Variants in EXOC2 observed in about 807,000 individuals in gnomAD.
EXOC2 encodes SEC5-like 1.
Under a neutral mutation model 131.8 loss-of-function variants are expected in EXOC2, and 70 were observed. The ratio of observed to expected loss-of-function variants is 0.53; its 90% CI spans 0.44 to 0.65. The LOEUF (loss-of-function observed/expected upper bound fraction) is 0.65. Ranked by LOEUF, EXOC2 falls within the 30% of genes least tolerant of loss-of-function variation. EXOC2 has a pLI of 0.00. For missense variants in EXOC2, 923 were observed against 1,108.6 expected (o/e 0.83, Z 2.38); for synonymous variants, 411 against 398.4 (o/e 1.03, Z -0.38).
At chr6:488,412 C>T (rs377093763) in intron 27 of EXOC2, among the ~76,000 whole-genome samples, 46 of 152,274 alleles carry the variant, frequency 3.0e-4, no homozygotes, top group Middle Eastern at 3.4e-3. Context: ...CTCTTAGGTC[C>T]GTTTCCTGTT....
chr6:569,845 T>A (rs116444207), intron 13 of EXOC2, among the ~76,000 whole-genome samples: 2,278 of 152,378 alleles, frequency 0.015, 30 homozygotes, highest in African/African-American at 0.036. Context: ...TCACCATTAA[T>A]GTTGTGCATG....
At chr6:609,733 G>A (rs374153798) in intron 7 of EXOC2, among the ~76,000 whole-genome samples, 2 of 152,144 alleles carry the variant, frequency 1.3e-5, no homozygotes, top group Non-Finnish European at 2.9e-5. Flanking sequence ...TTAATGCTGG[G>A]AGACGCCTGA....
At chr6:653,967 C>T (rs1762944359) in intron 1 of EXOC2, among the ~76,000 whole-genome samples, 1 of 152,200 alleles carries the variant, frequency 6.6e-6, no homozygotes, top group Admixed American at 6.5e-5. Flanking sequence ...TCTACTCTGC[C>T]TGTGTTCTAT....
intron 23 of EXOC2, among the ~76,000 whole-genome samples, chr6:514,489 A>G (rs1193845796): frequency 6.6e-6 from 1 of 152,222 alleles, no homozygotes; most frequent in Non-Finnish European, 1.5e-5. Flanking sequence ...TCTGTGGTTT[A>G]ACTTTCTTAA....
intron 13 of EXOC2, among the ~76,000 whole-genome samples, chr6:567,282 G>T (rs1384396264): frequency 2.4e-4 from 37 of 152,156 alleles, no homozygotes; most frequent in Non-Finnish European, 1.8e-4. Context: ...TGGTGCTGCA[G>T]GCGTCCTTCT....
intron 1 of EXOC2, among the ~76,000 whole-genome samples, chr6:668,416 T>C (rs528348288): frequency 2.6e-5 from 4 of 152,314 alleles, no homozygotes; most frequent in East Asian, 3.9e-4. Flanking sequence ...GCTGTTCTCA[T>C]TGCCTGCACA....
At chr6:560,271 G>A (rs746535174) in intron 17 of EXOC2, among the ~76,000 whole-genome samples, 1 of 152,178 alleles carries the variant, frequency 6.6e-6, no homozygotes, top group African/African-American at 2.4e-5. Context: ...TACAGACTAA[G>A]ACTCTAGGGT....
chr6:673,136 C>T (rs1402377690), intron 1 of EXOC2, among the ~76,000 whole-genome samples: 1 of 151,514 alleles, frequency 6.6e-6, no homozygotes, highest in African/African-American at 2.4e-5. Flanking sequence ...GTGGCGGGCA[C>T]CTGGGATACC....
chr6:627,060 T>C lies in EXOC2; in HGVS notation c.422+2775A>G, dbSNP rs529162554. Among the ~76,000 whole-genome samples, 3 of 152,282 alleles carry C rather than the reference T, an allele frequency of 2.0e-5. No individual in the cohort carries two copies. The South Asian group carries it at 6.2e-4, about 32-fold the overall frequency. On this transcript the variant is annotated intron_variant, in intron 4 of 27. Coordinates refer to ENST00000230449, the MANE Select transcript of EXOC2 (RefSeq NM_018303.6). ...CTAAAAGACAGTAGGGATCCTGACC[T>C]GAGTACAATACCATCCTCTACCAAA...
intron 6 of EXOC2, among the ~76,000 whole-genome samples, chr6:611,489 A>C (rs1267832319): frequency 2.6e-5 from 4 of 152,202 alleles, no homozygotes; most frequent in African/African-American, 9.6e-5. Context: ...CCCATCACTG[A>C]TGAGCAGGTC....
rs374724249 is a variant in EXOC2, at chr6:599,225, C to T, written c.743G>A (p.Arg248Lys). ...MTQKLENVLN[R>K]ASNTADTLFQ... is the part of the protein sequence containing the mutation. ...CAATGTGTCTGCAGTATTACTTGCT[C>T]CTGTTTTAAAAAGAGGAAAGGAAAC... The change falls in exon 8 of 28, where the codon AGA becomes AAA. Residue 248 changes from arginine (R) to lysine (K), a missense_variant and splice_region_variant. Coordinates refer to ENST00000230449, the MANE Select transcript of EXOC2 (RefSeq NM_018303.6). 1.7e-5 allele frequency: 27 copies of T among 1,549,430 alleles called. No homozygotes were observed. The African/African-American group carries it at 3.2e-4, about 18-fold the overall frequency.
intron 22 of EXOC2, among the ~76,000 whole-genome samples, chr6:540,215 A>G (rs909043225): frequency 4.6e-5 from 7 of 152,156 alleles, no homozygotes; most frequent in Admixed American, 2.0e-4. Flanking sequence ...TCAGCCTCCC[A>G]GAGTGCAGGG....
chr6:568,149 T>G (rs1758076677), intron 13 of EXOC2, among the ~76,000 whole-genome samples: 1 of 152,194 alleles, frequency 6.6e-6, no homozygotes, highest in African/African-American at 2.4e-5. Flanking sequence ...AGACATTTGG[T>G]GAAACATTAC....
chr6:559,513 G>A (rs996378433), intron 17 of EXOC2, among the ~76,000 whole-genome samples: 1 of 152,160 alleles, frequency 6.6e-6, no homozygotes, highest in South Asian at 2.1e-4. Context: ...GACTCCAGAC[G>A]TGCTATTTCC....
chr6:498,829 C>T (rs764051445), intron 24 of EXOC2, among the ~76,000 whole-genome samples: 12 of 152,126 alleles, frequency 7.9e-5, no homozygotes, highest in Non-Finnish European at 1.6e-4. Flanking sequence ...ACCTGGGCAA[C>T]GGTGGAAACG....
chr6:579,287 G>C (rs1367320405), intron 11 of EXOC2, among the ~76,000 whole-genome samples: 1 of 152,032 alleles, frequency 6.6e-6, no homozygotes, highest in Non-Finnish European at 1.5e-5. Flanking sequence ...GTTTTGTAAT[G>C]GTTAAAAGAT....
At chr6:571,359 G>A (rs1758267557) in intron 13 of EXOC2, among the ~76,000 whole-genome samples, 2 of 152,146 alleles carry the variant, frequency 1.3e-5, no homozygotes, top group Admixed American at 1.3e-4. Context: ...CTGTTTTTAT[G>A]CACATAGTAA....
intron 1 of EXOC2, among the ~76,000 whole-genome samples, chr6:690,978 T>C (rs1376485846): frequency 6.6e-6 from 1 of 152,070 alleles, no homozygotes; most frequent in African/African-American, 2.4e-5. Context: ...CTAAAATTCA[T>C]CCATTCAATA....
intron 22 of EXOC2, among the ~76,000 whole-genome samples, chr6:539,632 A>G (rs189995851): frequency 6.6e-6 from 1 of 152,390 alleles, no homozygotes; most frequent in Non-Finnish European, 1.5e-5. Context: ...ATTTTGATGT[A>G]TTTTAATGTT....
Sources: gnomAD v4.1 joint callset for allele counts (sites outside exome capture counted in the v4.1 genomes callset) on GRCh38, gnomAD v4.1.1 for gene constraint, MANE v1.5 for transcripts, NCBI Gene and HGNC (gene_info 2026-07-23, HGNC 2026-07-21) for gene names.